Variants in JMJD1C observed in about 807,000 individuals in gnomAD.
JMJD1C encodes the protein jumonji domain-containing protein 1C.
A neutral mutation model predicts 245.3 loss-of-function variants in JMJD1C; 31 were observed. The observed-to-expected ratio is 0.13, with a 90% CI of 0.09 to 0.17. The LOEUF (loss-of-function observed/expected upper bound fraction) is 0.17, where lower values mean the gene tolerates loss of function less well. JMJD1C is among the 10% of genes least tolerant of loss of function. The pLI, the probability that JMJD1C is intolerant of heterozygous loss-of-function variation, is 1.00. For synonymous variants in JMJD1C, 1,057 were observed against 1,017.4 expected, an observed-to-expected ratio of 1.04 and a Z score of -0.74; for missense variants, 2,691 against 3,000.2, an observed-to-expected ratio of 0.90 and a Z score of 2.41.
intron 1 of JMJD1C, among the ~76,000 whole-genome samples, chr10:63,387,938 A>G (rs1429521426): frequency 6.6e-6 from 1 of 152,062 alleles, no homozygotes; most frequent in African/African-American, 2.4e-5. Context: ...CCTGGCCGAA[A>G]AAAGAAAATT....
intron 3 of JMJD1C, among the ~76,000 whole-genome samples, chr10:63,249,880 G>A (rs550912080): frequency 6.6e-6 from 1 of 150,930 alleles, no homozygotes; most frequent in African/African-American, 2.4e-5. Flanking sequence ...AAAGAAAAAA[G>A]AAAAAGACAA....
chr10:63,472,428 T>G (rs1401554140), intron 1 of JMJD1C, among the ~76,000 whole-genome samples: 5 of 151,968 alleles, frequency 3.3e-5, no homozygotes, highest in Non-Finnish European at 7.4e-5. Context: ...ACCTCCTGAG[T>G]TCAAGCAATT....
intron 3 of JMJD1C, among the ~76,000 whole-genome samples, chr10:63,225,937 T>C (rs917279012): frequency 6.6e-6 from 1 of 152,088 alleles, no homozygotes; most frequent in Non-Finnish European, 1.5e-5. Flanking sequence ...ACAGAGCTGT[T>C]ATCTGAACTT....
At chr10:63,247,627 G>C (rs1335385977) in intron 3 of JMJD1C, among the ~76,000 whole-genome samples, 1 of 150,002 alleles carries the variant, frequency 6.7e-6, no homozygotes, top group Non-Finnish European at 1.5e-5. Context: ...CAGCTACTTG[G>C]AGGTTGAGGC....
At chr10:63,184,061 G>C (rs1245683293) in intron 21 of JMJD1C, among the ~76,000 whole-genome samples, 1 of 151,562 alleles carries the variant, frequency 6.6e-6, no homozygotes. Flanking sequence ...CTGATAGCTG[G>C]GACTACAGGT....
intron 3 of JMJD1C, among the ~76,000 whole-genome samples, 200 bp downstream of exon 3, chr10:63,264,451 T>C (rs538458865): frequency 7.9e-5 from 12 of 152,310 alleles, no homozygotes; most frequent in Admixed American, 7.2e-4. Context: ...TGGCTCATAG[T>C]AGGTTCTCAG....
chr10:63,200,337 A>C (rs1845881213), intron 11 of JMJD1C, 139 bp downstream of exon 11: 1 of 649,218 alleles, frequency 1.5e-6, no homozygotes, highest in Non-Finnish European at 2.6e-6. Flanking sequence ...ACATTTAATA[A>C]CTCTTTTATA....
At chr10:63,467,527 A>C (rs1288452689), upstream of JMJD1C, among the ~76,000 whole-genome samples, 1 of 152,224 alleles carries the variant, frequency 6.6e-6, no homozygotes, top group East Asian at 1.9e-4. Flanking sequence ...CAAACAAACA[A>C]ACAAAAAACC....
chr10:63,343,013 A>G (rs1400751387), intron 2 of JMJD1C, among the ~76,000 whole-genome samples: 1 of 152,134 alleles, frequency 6.6e-6, no homozygotes, highest in Non-Finnish European at 1.5e-5. Flanking sequence ...CCAAAATCCA[A>G]AACACTTCCA....
intron 2 of JMJD1C, among the ~76,000 whole-genome samples, chr10:63,379,796 A>G (rs1451752788): frequency 6.6e-6 from 1 of 152,198 alleles, no homozygotes; most frequent in Non-Finnish European, 1.5e-5. Context: ...TAACAAAGAG[A>G]CACCTAAAGT....
At chr10:63,220,072 A>C in intron 3 of JMJD1C, 89 bp from the exon 4 acceptor site, 1 of 884,476 alleles carries the variant, frequency 1.1e-6, no homozygotes, top group Non-Finnish European at 1.7e-6. Context: ...CTAAGGACTG[A>C]ATAAAATTCC....
chr10:63,204,139 A>G (rs78492210), intron 10 of JMJD1C: 16 of 956,560 alleles, frequency 1.7e-5, no homozygotes, highest in Non-Finnish European at 1.9e-5. Context: ...AATATTTAAG[A>G]AAAAAAAAAC....
At position 63,403,951 on chromosome 10, in the gene JMJD1C, C is replaced by A. The variant is rs571422748; in HGVS notation, c.169-23469G>T. On this transcript the variant is annotated intron_variant, in intron 1 of 25. Transcript: ENST00000399262. ...ACTCTTGTCTCAAAAAAAACAACAA[C>A]AAAAAACACAAAAATTAGCCTGGTA... is the stretch of plus-strand genomic sequence containing the variant. 4.6e-3 allele frequency among the ~76,000 whole-genome samples: 699 copies of A among 150,716 alleles called. 4 individuals carry two copies. Among genetic ancestry groups the A allele is most frequent in the Admixed American group, 5.2e-3 (78 of 15,104 alleles).
At chr10:63,287,364 A>G (rs1389936744) in intron 2 of JMJD1C, among the ~76,000 whole-genome samples, 1 of 152,384 alleles carries the variant, frequency 6.6e-6, no homozygotes, top group East Asian at 1.9e-4. Context: ...CTGTCGTTCC[A>G]CGTATGTGAA....
chr10:63,507,897 T>C (rs1485870738), intron 1 of JMJD1C, among the ~76,000 whole-genome samples: 1 of 152,192 alleles, frequency 6.6e-6, no homozygotes, highest in African/African-American at 2.4e-5. Context: ...TTAAGGTCTT[T>C]AGCTCATTTT....
At chr10:63,210,118 T>C (rs1847145059) in intron 8 of JMJD1C, among the ~76,000 whole-genome samples, 1 of 151,966 alleles carries the variant, frequency 6.6e-6, no homozygotes, top group East Asian at 1.9e-4. Flanking sequence ...ACTATAGCCA[T>C]AAACCCCACA....
At chr10:63,314,812 C>A (rs1158503671) in intron 2 of JMJD1C, among the ~76,000 whole-genome samples, 1 of 151,884 alleles carries the variant, frequency 6.6e-6, no homozygotes, top group African/African-American at 2.4e-5. Context: ...TACGCCTAGC[C>A]AATTTTTGTA....
At chr10:63,499,657 C>A (rs1467096915) in intron 1 of JMJD1C, among the ~76,000 whole-genome samples, 1 of 151,362 alleles carries the variant, frequency 6.6e-6, no homozygotes, top group East Asian at 1.9e-4. Context: ...GGCTATACAC[C>A]CAAATACTAA....
chr10:63,222,409 A>G, intron 3 of JMJD1C: 2 of 955,486 alleles, frequency 2.1e-6, no homozygotes, highest in Non-Finnish European at 3.4e-6. Context: ...GTAAATTTGA[A>G]AAGAATAACC....
Sources: allele counts gnomAD v4.1 joint callset (sites outside exome capture counted in the v4.1 genomes callset), GRCh38; gene constraint gnomAD v4.1.1; transcripts MANE v1.5; gene names NCBI Gene and HGNC (gene_info 2026-07-23, HGNC 2026-07-21).